Variants in TUT1 observed in about 807,000 individuals in gnomAD.
TUT1 encodes terminal uridylyl transferase 1, U6 snRNA-specific.
TUT1 carries 26 observed loss-of-function variants against 48.8 expected under a neutral mutation model. That is an observed-to-expected ratio of 0.53 (90% CI 0.39 to 0.74). The LOEUF (loss-of-function observed/expected upper bound fraction) is 0.74, where lower values mean the gene tolerates loss of function less well. Ranked by LOEUF, TUT1 falls within the 30% of genes least tolerant of loss-of-function variation. TUT1 has a pLI of 0.00. For synonymous variants in TUT1, 470 were observed against 460.8 expected, an observed-to-expected ratio of 1.02 and a Z score of -0.26; for missense variants, 1,065 against 1,114.8, an observed-to-expected ratio of 0.96 and a Z score of 0.64.
At chr11:62,584,556 T>C (rs958628906) in intron 2 of TUT1, among the ~76,000 whole-genome samples, 5 of 148,624 alleles carry the variant, frequency 3.4e-5, no homozygotes, top group African/African-American at 1.2e-4. Flanking sequence ...ATTCTCCTGC[T>C]TTCTGCCTCC....
chr11:62,591,123 G>T (rs1478651154), intron 1 of TUT1, among the ~76,000 whole-genome samples: 2 of 147,566 alleles, frequency 1.4e-5, no homozygotes, highest in African/African-American at 2.5e-5. Context: ...CTAAAGATCA[G>T]CAGAATACCA....
chr11:62,578,063 C>CAAA lies in TUT1; in HGVS notation c.1160+495_1160+497dup, dbSNP rs200086998. Among the ~76,000 whole-genome samples, 141 of 106,878 alleles carry CAAA rather than the reference C, an allele frequency of 1.3e-3. 1 individual carries two copies. The highest frequency in any genetic ancestry group is 2.8e-3 in the African/African-American group (76 of 27,122). The allele number at this position is 106,878 out of a possible 152,430, so 70.1% of individuals were successfully genotyped here. A position where few individuals can be genotyped will look rare whatever the true frequency, so the allele number is the denominator to read the frequency against. ...GCAACAAGAGTAAATCTCCGTCTCA[C>CAAA]AAAAAAAAAAAAAAAAAAAAAAAAG... is the stretch of plus-strand genomic sequence containing the variant. On this transcript the variant is annotated intron_variant, in intron 5 of 8. Transcript: ENST00000476907.
Position 62,581,407 on chromosome 11 carries a change from C to A in TUT1, c.568G>T (p.Val190Phe). The A allele has an allele frequency of 1.2e-6, 2 of 1,606,884 alleles. No individual in the cohort carries two copies. Among genetic ancestry groups the A allele is most frequent in the Non-Finnish European group, 1.7e-6 (2 of 1,177,152 alleles). The change falls in exon 3 of 9, where the codon GTC becomes TTC. Residue 190 changes from valine (V) to phenylalanine (F), a missense_variant. By Grantham distance (50) the Val-to-Phe change is conservative. Coordinates refer to ENST00000476907, the MANE Select transcript of TUT1 (RefSeq NM_022830.3). ...RSLVVALMQE[V>F]FTEFFPGCVV... Reference sequence around the variant, plus strand: ...TTACCAGGGAAGAACTCTGTGAAGACCTCCTGCATCAGGGCCACCACTAGG... The same window carrying A: ...TTACCAGGGAAGAACTCTGTGAAGAACTCCTGCATCAGGGCCACCACTAGG...
intron 2 of TUT1, among the ~76,000 whole-genome samples, chr11:62,587,952 T>C (rs1941947564): frequency 1.3e-5 from 2 of 152,356 alleles, no homozygotes; most frequent in East Asian, 1.9e-4. Context: ...CTTAGTACCC[T>C]CAGTGTAAGT....
chr11:62,585,779 A>G lies in TUT1; in HGVS notation c.273+3252T>C, dbSNP rs918692718. Among the ~76,000 whole-genome samples the G allele has an allele frequency of 2.6e-5, 4 of 152,164 alleles. No individual in the cohort carries two copies. The East Asian group carries it at 7.7e-4, about 29-fold the overall frequency. ...GTGCCACTGCACTCCAGCCTGGGAG[A>G]CAGAATGAGACTCCACCTCAAAAAT... On this transcript the variant is annotated intron_variant, in intron 2 of 8. Transcript: ENST00000476907.
intron 2 of TUT1, among the ~76,000 whole-genome samples, chr11:62,582,120 T>C (rs1941837350): frequency 2.6e-5 from 4 of 151,996 alleles, no homozygotes; most frequent in Admixed American, 2.6e-4. Context: ...GTAGCTGGGA[T>C]TACAGGCACA....
intron 1 of TUT1, 86 bp downstream of exon 1, chr11:62,591,318 C>G (rs1267669413): frequency 6.9e-7 from 1 of 1,448,014 alleles, no homozygotes; most frequent in African/African-American, 1.4e-5. Flanking sequence ...ACAAGAACGA[C>G]TGACTACCTA....
chr11:62,576,161 G>C lies in TUT1; in HGVS notation c.1558C>G (p.Leu520Val), dbSNP rs544917292. The stretch of plus-strand genomic sequence containing the variant: ...GAAGGCAGGCCCCCTGCCACAGGCA[G>C]TGCCTGACCCTCCCGCAGGGACAGC... ...SLLSLREGQA[L>V]PVAGGLPSNL... Residue 520 changes from leucine (L) to valine (V), a missense_variant, in exon 9 of 9, where the codon CTG becomes GTG. By Grantham distance (32) the Leu-to-Val change is conservative. Coordinates refer to ENST00000476907, the MANE Select transcript of TUT1 (RefSeq NM_022830.3). 5.3e-4 allele frequency: 850 copies of C among 1,613,860 alleles called. 5 individuals carry two copies. The South Asian group carries it at 8.6e-3, about 16-fold the overall frequency.
intron 5 of TUT1, among the ~76,000 whole-genome samples, chr11:62,577,802 C>T (rs1386957511): frequency 6.6e-6 from 1 of 152,168 alleles, no homozygotes; most frequent in Non-Finnish European, 1.5e-5. Flanking sequence ...TGCCTCACGC[C>T]TGTAATCCCA....
rs1590716508 is a variant in TUT1, at chr11:62,577,457, G to A, written c.1161-166C>T. ...GTGAGACAGTGTGCGAAAGGACAAA[G>A]GAGTTCGGGAAACACTTCATCCTGT... On this transcript the variant is annotated intron_variant, in intron 5 of 8. Transcript: ENST00000476907. The A allele has an allele frequency of 4.9e-6, 3 of 616,026 alleles. No homozygotes were observed. In the East Asian group the frequency reaches 8.5e-5, roughly 17 times the overall value. 38.2% of individuals were successfully genotyped at this position (616,026 alleles called of 1,614,324 possible).
Position 62,575,442 on chromosome 11 carries a change from G to A in TUT1, c.2277C>T (p.Ser759=). Residue 759 remains serine, a synonymous_variant, in exon 9 of 9, where the codon TCC becomes TCT. Coordinates refer to ENST00000476907, the MANE Select transcript of TUT1 (RefSeq NM_022830.3). ...WSQGEAGKGA[S]LPSSASWRCA... is the part of the protein sequence containing the mutation. ...AGCGCCAGCTCGCTGAGGAGGGCAG[G>A]GATGCCCCCTTCCCTGCCTCACCCT... The A allele has an allele frequency of 6.2e-7, 1 of 1,611,300 alleles. No homozygotes were observed. The highest frequency in any genetic ancestry group is 8.5e-7 in the Non-Finnish European group (1 of 1,179,998).
intron 1 of TUT1, among the ~76,000 whole-genome samples, chr11:62,590,085 AAAG>A (rs1213879218): frequency 6.6e-6 from 1 of 152,248 alleles, no homozygotes; most frequent in African/African-American, 2.4e-5. Flanking sequence ...ATGTGGGGCC[AAAG>A]AAGACTCCTA....
chr11:62,575,221 A>G lies in TUT1; in HGVS notation c.2498T>C (p.Val833Ala). 6.2e-7 allele frequency: 1 copy of G among 1,613,900 alleles called. No homozygotes were observed. The highest frequency in any genetic ancestry group is 1.1e-5 in the South Asian group (1 of 91,080). Residue 833 changes from valine (V) to alanine (A), a missense_variant, in exon 9 of 9, where the codon GTG (valine) becomes GCG (alanine). Val to Ala is a moderately conservative substitution (Grantham distance 64). Transcript: ENST00000476907. The stretch of plus-strand genomic sequence containing the variant: ...TCGGTCAGCCGGGGAGACAGACGCC[A>G]CAAAGCTCAGCAGGGGCTCAGTTTC... Reference protein sequence around the residue: ...RPETEPLLSFVASVSPADRML... With the variant: ...RPETEPLLSFAASVSPADRML...
intron 2 of TUT1, chr11:62,582,469 A>C (rs993039777): frequency 2.8e-6 from 1 of 351,456 alleles, no homozygotes; most frequent in South Asian, 2.0e-5. Flanking sequence ...GGCAGCACAC[A>C]CCTGTAGTTC....
intron 2 of TUT1, among the ~76,000 whole-genome samples, chr11:62,586,984 C>T (rs1375696777): frequency 6.7e-6 from 1 of 148,352 alleles, no homozygotes; most frequent in African/African-American, 2.5e-5. Flanking sequence ...GGATTACAGG[C>T]GTAAGCCACT....
chr11:62,582,438 AAAAG>A (rs1941843795), intron 2 of TUT1: 2 of 283,842 alleles, frequency 7.0e-6, no homozygotes, highest in Non-Finnish European at 1.4e-5. Context: ...AAAGAAAAGA[AAAAG>A]AAAATTAGCC....
intron 2 of TUT1, among the ~76,000 whole-genome samples, chr11:62,583,525 G>A (rs953482117): frequency 6.6e-6 from 1 of 152,040 alleles, no homozygotes; most frequent in Non-Finnish European, 1.5e-5. Context: ...TTGAACCCGG[G>A]AGGCGGAGGT....
At chr11:62,586,858 C>A (rs974212515) in intron 2 of TUT1, among the ~76,000 whole-genome samples, 17 of 151,384 alleles carry the variant, frequency 1.1e-4, no homozygotes, top group African/African-American at 3.6e-4. Flanking sequence ...GCGCCTGCCA[C>A]CACACCCAGC....
chr11:62,576,009 T>C lies in TUT1; in HGVS notation c.1710A>G (p.Ala570=), dbSNP rs764472100. 1 of 1,613,684 alleles carries C rather than the reference T, an allele frequency of 6.2e-7. No individual in the cohort carries two copies. The highest frequency in any genetic ancestry group is 1.1e-5 in the South Asian group (1 of 91,090). The change falls in exon 9 of 9, where the codon GCA becomes GCG. Residue 570 remains alanine, a synonymous_variant. Coordinates refer to ENST00000476907, the MANE Select transcript of TUT1 (RefSeq NM_022830.3). ...ACTGGAGGCTTCGGCAGTAATTGGC[T>C]GCTGCTCGGCAGCAGTTCTGTAGGC... The part of the protein sequence containing the change: ...AGRLQNCCRA[A]ANYCRSLQYQ...
Sources: gnomAD v4.1 joint callset for allele counts (sites outside exome capture counted in the v4.1 genomes callset) on GRCh38, gnomAD v4.1.1 for gene constraint, MANE v1.5 for transcripts, NCBI Gene and HGNC (gene_info 2026-07-23, HGNC 2026-07-21) for gene names.